The following LAMA1 variants were observed in gnomAD, a reference collection of about 807,000 sequenced individuals.
The protein encoded by LAMA1 is laminin subunit alpha-1.
A neutral mutation model predicts 348.7 loss-of-function variants in LAMA1; 219 were observed. The observed-to-expected ratio is 0.63, with a 90% confidence interval of 0.56 to 0.70. The LOEUF (loss-of-function observed/expected upper bound fraction) is 0.70. LAMA1 is among the 30% of genes least tolerant of loss of function. The probability of loss-of-function intolerance (pLI) is 0.00; values close to 1 mark genes in which losing one functional copy is unlikely to be tolerated. For synonymous variants in LAMA1, 1,487 were observed against 1,491.0 expected, an observed-to-expected ratio of 1.00 and a Z score of 0.06; for missense variants, 3,744 against 3,888.0, an observed-to-expected ratio of 0.96 and a Z score of 0.99.
intron 16 of LAMA1, among the ~76,000 whole-genome samples, chr18:7,027,992 A>G (rs1336189883): frequency 6.6e-6 from 1 of 152,190 alleles, no homozygotes; most frequent in African/African-American, 2.4e-5. Flanking sequence ...ACTTGAAGGA[A>G]ACATAAAAAC....
In LAMA1 at chr18:7,036,866, C is replaced by CA. The variant is rs552019943; in HGVS notation, c.1737+711dup. On this transcript the variant is annotated intron_variant, in intron 12 of 62. Transcript: ENST00000389658. ...CCATTACTTTAAAACAAAACAAAAC[C>CA]AAAAACCCGGGAAGGTAAGCAGGGA... Among the ~76,000 whole-genome samples the CA allele has an allele frequency of 4.2e-3, 639 of 151,758 alleles. 8 individuals are homozygous for CA. The highest frequency in any genetic ancestry group is 0.017 in the Middle Eastern group (5 of 294).
At chr18:6,959,669 C>G in intron 53 of LAMA1, 177 bp from the exon 54 acceptor site, 1 of 687,234 alleles carries the variant, frequency 1.5e-6, no homozygotes, top group East Asian at 2.9e-5. Flanking sequence ...AATCTCTGTT[C>G]ATATAATTTA....
intron 8 of LAMA1, 175 bp from the exon 9 acceptor site, chr18:7,042,425 A>G: frequency 1.7e-6 from 1 of 595,506 alleles, no homozygotes; most frequent in East Asian, 3.0e-5. Context: ...CAGGAAGCCC[A>G]AACATCTTTT....
At chr18:6,984,675 C>T (rs571846543) in intron 39 of LAMA1, among the ~76,000 whole-genome samples, 15 of 152,292 alleles carry the variant, frequency 9.8e-5, no homozygotes, top group African/African-American at 2.9e-4. Flanking sequence ...AAGTTGAGTA[C>T]ATATTTTTTA....
Position 7,105,022 on chromosome 18 carries a change from A to G in LAMA1, c.61+12638T>C, listed in dbSNP as rs983866017. Among the ~76,000 whole-genome samples, 3 of 152,216 alleles carry G rather than the reference A, an allele frequency of 2.0e-5. No homozygotes were observed. In the South Asian group the frequency reaches 6.2e-4, roughly 31 times the overall value. On this transcript the variant is annotated intron_variant, in intron 1 of 62. Coordinates refer to ENST00000389658, the MANE Select transcript of LAMA1 (RefSeq NM_005559.4). ...GTGTGTGCATGTATGTCTGAGTGTG[A>G]CAGGGATATGGAAAGGAAAATGGCT...
intron 29 of LAMA1, among the ~76,000 whole-genome samples, chr18:7,002,903 C>T (rs575611858): frequency 1.1e-4 from 17 of 150,934 alleles, no homozygotes; most frequent in African/African-American, 3.7e-4. Flanking sequence ...TTTTTAAGGA[C>T]GAGGTCTCCC....
At chr18:6,956,079 C>T (rs1215710554) in intron 56 of LAMA1, 1 of 296,724 alleles carries the variant, frequency 3.4e-6, no homozygotes, top group East Asian at 9.4e-5. Context: ...AAAACTGCCC[C>T]GAACTCAAAG....
Position 6,980,611 on chromosome 18 carries a change from T to C in LAMA1, c.5917A>G (p.Arg1973Gly). The C allele has an allele frequency of 6.2e-7, 1 of 1,611,974 alleles. No individual in the cohort carries two copies. The highest frequency in any genetic ancestry group is 1.3e-5 in the African/African-American group (1 of 75,012). Residue 1973 changes from arginine (R) to glycine (G), a missense_variant, in exon 42 of 63, where the codon AGA (arginine) becomes GGA (glycine). Physicochemically the swap from Arg to Gly is moderately radical, Grantham distance 125 (BLOSUM62 -2). Coordinates refer to ENST00000389658, the MANE Select transcript of LAMA1 (RefSeq NM_005559.4). ...TCTTGAAATCTGTTTGTCTTATTTC[T>C]CAATTCACTCAGTTCCAATGCAATA... ...PGIALELSEL[R>G]NKTNRFQENA...
chr18:6,978,184 G>A lies in LAMA1; in HGVS notation c.6190+12C>T, dbSNP rs776326877. 2 of 1,614,242 alleles carry A rather than the reference G, an allele frequency of 1.2e-6. No homozygotes were observed. The highest frequency in any genetic ancestry group is 2.2e-5 in the South Asian group (2 of 91,088). On this transcript the variant is annotated intron_variant, in intron 43 of 62. Transcript: ENST00000389658. ...CAGACGATCATGACTGGAAGGAAGG[G>A]CGCTGACATACTGGCCATGGTGGAG... is the stretch of plus-strand genomic sequence containing the variant.
At chr18:7,023,093 C>T (rs1423957539) in intron 19 of LAMA1, 71 bp downstream of exon 19, 18 of 1,511,548 alleles carry the variant, frequency 1.2e-5, no homozygotes, top group Middle Eastern at 2.3e-4. Flanking sequence ...CTGTGTGACA[C>T]ATGTGACTAT....
Position 7,028,876 on chromosome 18 carries a change from C to T in LAMA1, c.2275-2770G>A, listed in dbSNP as rs570984369. On this transcript the variant is annotated intron_variant, in intron 16 of 62. Transcript: ENST00000389658. ...AAGGGAGCGGGGCTTGTTCTGCACA[C>T]GTGTGTCGCTGCTCCTCTTGGTGTG... Among the ~76,000 whole-genome samples, 24 of 152,288 alleles carry T rather than the reference C, an allele frequency of 1.6e-4. No homozygotes were observed. The East Asian group carries it at 3.3e-3, about 21-fold the overall frequency.
At chr18:6,947,024 T>C (rs548261946) in intron 61 of LAMA1, 139 bp downstream of exon 61, 9 of 1,113,172 alleles carry the variant, frequency 8.1e-6, no homozygotes, top group African/African-American at 1.6e-5. Flanking sequence ...CTTGTAGCAA[T>C]ATCTGTTTTT....
intron 29 of LAMA1, among the ~76,000 whole-genome samples, chr18:7,004,316 TCA>T (rs2057822317): frequency 6.6e-6 from 1 of 152,192 alleles, no homozygotes; most frequent in Admixed American, 6.5e-5. Flanking sequence ...GCCCTTGTCC[TCA>T]GTCTCCCCAG....
intron 3 of LAMA1, among the ~76,000 whole-genome samples, chr18:7,071,627 C>T (rs1337335104): frequency 6.6e-6 from 1 of 152,200 alleles, no homozygotes; most frequent in African/African-American, 2.4e-5. Flanking sequence ...GCAGCTTTAA[C>T]AATTATTAAT....
chr18:7,072,074 TATC>T (rs938055934), intron 3 of LAMA1, among the ~76,000 whole-genome samples: 100 of 132,588 alleles, frequency 7.5e-4, no homozygotes, highest in African/African-American at 4.2e-3. Flanking sequence ...TGTTTACACT[TATC>T]TTATCTTCCA....
chr18:6,972,179 A>G (rs57724819), intron 47 of LAMA1, 198 bp from the exon 48 acceptor site: 25,370 of 574,192 alleles, frequency 0.044, 702 homozygotes, highest in South Asian at 0.094. Context: ...ATGAGTAACA[A>G]CTGGGCAGGA....
chr18:7,104,242 G>T (rs8092002), intron 1 of LAMA1, among the ~76,000 whole-genome samples: 3 of 151,706 alleles, frequency 2.0e-5, no homozygotes, highest in African/African-American at 7.3e-5. Flanking sequence ...CTCCCAAAGC[G>T]CTGGGATTAC....
intron 29 of LAMA1, among the ~76,000 whole-genome samples, chr18:7,005,630 T>C (rs1306061565): frequency 2.6e-5 from 4 of 152,154 alleles, no homozygotes; most frequent in African/African-American, 9.7e-5. Context: ...GCGCCTGTAA[T>C]CTCAGCTACT....
At chr18:7,099,952 A>G (rs551837567) in intron 1 of LAMA1, among the ~76,000 whole-genome samples, 49 of 149,284 alleles carry the variant, frequency 3.3e-4, no homozygotes, top group Middle Eastern at 7.2e-3. Flanking sequence ...CCAGCTACTC[A>G]GGAGGCTGAG....
Sources: gnomAD v4.1 joint callset for allele counts (sites outside exome capture counted in the v4.1 genomes callset) on GRCh38, gnomAD v4.1.1 for gene constraint, MANE v1.5 for transcripts, NCBI Gene and HGNC (gene_info 2026-07-23, HGNC 2026-07-21) for gene names.